ZFYVE16: variants seen among roughly 807,000 people sequenced by gnomAD.
ZFYVE16 encodes zinc finger FYVE-type containing 16.
In ZFYVE16, 89 loss-of-function variants were observed where a neutral mutation model predicts 138.1. That is an observed-to-expected ratio of 0.64 (90% confidence interval 0.54 to 0.77). The LOEUF (loss-of-function observed/expected upper bound fraction) is 0.77, where lower values mean the gene tolerates loss of function less well. ZFYVE16 is among the 30% of genes least tolerant of loss of function. The probability of loss-of-function intolerance (pLI) is 0.00; values close to 1 mark genes in which losing one functional copy is unlikely to be tolerated. For missense variants in ZFYVE16, 1,793 were observed against 1,786.7 expected (o/e 1.00, Z -0.06); for synonymous variants, 596 against 618.3 (o/e 0.96, Z 0.53).
intron 14 of ZFYVE16, among the ~76,000 whole-genome samples, chr5:80,458,726 T>C (rs1360092532): frequency 1.3e-5 from 2 of 152,196 alleles, no homozygotes; most frequent in Non-Finnish European, 2.9e-5. Flanking sequence ...TAAGATAAAT[T>C]CCCAAAAGTG....
chr5:80,416,954 T>A (rs889492816), intron 1 of ZFYVE16, among the ~76,000 whole-genome samples: 6 of 152,184 alleles, frequency 3.9e-5, no homozygotes, highest in African/African-American at 1.4e-4. Context: ...TCTGTAAATA[T>A]TTCTATGTGT....
intron 1 of ZFYVE16, among the ~76,000 whole-genome samples, chr5:80,423,308 C>T (rs57485905): frequency 0.012 from 1,827 of 152,122 alleles, 41 homozygotes; most frequent in African/African-American, 0.043. Context: ...AATTTGTGGG[C>T]AGAGTTGTTA....
At chr5:80,428,288 T>G (rs919985903) in intron 2 of ZFYVE16, among the ~76,000 whole-genome samples, 1 of 152,178 alleles carries the variant, frequency 6.6e-6, no homozygotes, top group African/African-American at 2.4e-5. Context: ...CAGCAACATT[T>G]GCTGTTCAGC....
chr5:80,456,508 G>A lies in ZFYVE16; in HGVS notation c.3738G>A (p.Leu1246=), dbSNP rs1438575326. ...CCTTGCATAATATAGATCAACTGTT[G>A]ATTCATATGGAAATGGGAAAAAGCT... ...QYTLHNIDQL[L]IHMEMGKSCI... Residue 1246 remains leucine, a synonymous_variant, in exon 13 of 19, where the codon TTG becomes TTA. Coordinates refer to ENST00000505560, the MANE Select transcript of ZFYVE16 (RefSeq NM_001284236.3). 1 of 1,613,044 alleles carries A rather than the reference G, an allele frequency of 6.2e-7. No individual in the cohort carries two copies. The highest frequency in any genetic ancestry group is 2.2e-5 in the East Asian group (1 of 44,706).
At chr5:80,434,962 A>G (rs899075373) in intron 3 of ZFYVE16, among the ~76,000 whole-genome samples, 2 of 152,100 alleles carry the variant, frequency 1.3e-5, no homozygotes, top group Non-Finnish European at 2.9e-5. Flanking sequence ...CCCGGGTTCA[A>G]GCACTTCTTC....
In ZFYVE16 at chr5:80,469,268, A is replaced by AT. The variant is rs1754056913; in HGVS notation, c.4025-3486dup. On this transcript the variant is annotated intron_variant, in intron 15 of 18. Coordinates refer to ENST00000505560, the MANE Select transcript of ZFYVE16 (RefSeq NM_001284236.3). ...CAGGCACACACCACCACACCTGGCT[A>AT]TTTTTTTGTTGTTTTCTTGTAGAGA... 3.3e-5 allele frequency among the ~76,000 whole-genome samples: 5 copies of AT among 151,650 alleles called. No homozygotes were observed. The South Asian group carries it at 1.0e-3, about 32-fold the overall frequency.
chr5:80,419,589 G>A (rs1307038305), intron 1 of ZFYVE16, among the ~76,000 whole-genome samples: 19 of 151,608 alleles, frequency 1.3e-4, no homozygotes, highest in African/African-American at 4.4e-4. Context: ...ATGTTGGCCA[G>A]GCTGGTCTCG....
chr5:80,437,492 T>G lies in ZFYVE16; in HGVS notation c.807T>G (p.Cys269Trp). The G allele has an allele frequency of 6.2e-7, 1 of 1,611,140 alleles. No homozygotes were observed. Among genetic ancestry groups the G allele is most frequent in the Non-Finnish European group, 8.5e-7 (1 of 1,179,096 alleles). The change falls in exon 4 of 19, where the codon TGT (cysteine) becomes TGG (tryptophan). Residue 269 changes from cysteine (C) to tryptophan (W), a missense_variant. This residue lies in a region of ZFYVE16 where 1,295 missense variants were observed against 1,204.3 expected (regional missense o/e 1.08). Coordinates refer to ENST00000505560, the MANE Select transcript of ZFYVE16 (RefSeq NM_001284236.3). Reference protein sequence around the residue: ...KDKLQHKSQPCGLLKDVGLVK... With the variant: ...KDKLQHKSQPWGLLKDVGLVK... ...AGCTACAACACAAGAGCCAGCCATG[T>G]GGATTACTAAAAGATGTTGGCTTAG...
Position 80,460,307 on chromosome 5 carries a change from C to T in ZFYVE16, c.4024+813C>T, listed in dbSNP as rs547298558. On this transcript the variant is annotated intron_variant, in intron 15 of 18. Coordinates refer to ENST00000505560, the MANE Select transcript of ZFYVE16 (RefSeq NM_001284236.3). The stretch of plus-strand genomic sequence containing the variant: ...GTGAAATGTCTGCCCATATCTTTTG[C>T]GCTTTTTTCTATTGGATTGTGCGTC... Among the ~76,000 whole-genome samples the T allele has an allele frequency of 8.4e-4, 128 of 152,148 alleles. 1 individual carries two copies. The highest frequency in any genetic ancestry group is 3.0e-3 in the African/African-American group (126 of 41,542).
Position 80,438,870 on chromosome 5 carries a change from A to G in ZFYVE16, c.2185A>G (p.Asn729Asp), listed in dbSNP as rs376427316. 6.7e-5 allele frequency: 108 copies of G among 1,613,984 alleles called. No homozygotes were observed. Among genetic ancestry groups the G allele is most frequent in the Non-Finnish European group, 8.3e-5 (98 of 1,179,974 alleles). The change falls in exon 4 of 19, where the codon AAC (asparagine) becomes GAC (aspartate). Residue 729 changes from asparagine (N) to aspartate (D), a missense_variant. Asn to Asp is a conservative substitution (Grantham distance 23). Around this residue, in one of 2 missense-constraint regions of ZFYVE16, gnomAD observed 1,295 missense variants for 1,204.3 expected, o/e 1.08. Coordinates refer to ENST00000505560, the MANE Select transcript of ZFYVE16 (RefSeq NM_001284236.3). Reference protein sequence around the residue: ...VTANEDSVPENTCKEGLVLGQ... With the variant: ...VTANEDSVPEDTCKEGLVLGQ... ...TGCAAATGAAGATTCTGTACCTGAAAACACTTGCAAAGAAGGCTTGGTTTT... is the reference window on the plus strand; with the variant it reads ...TGCAAATGAAGATTCTGTACCTGAAGACACTTGCAAAGAAGGCTTGGTTTT...
At chr5:80,445,885 AC>A (rs1196569923) in intron 7 of ZFYVE16, among the ~76,000 whole-genome samples, 15 of 141,178 alleles carry the variant, frequency 1.1e-4, no homozygotes, top group African/African-American at 4.0e-4. Context: ...AAATCACCAC[AC>A]CTGGCAGATT....
chr5:80,435,820 C>T (rs939514333), intron 3 of ZFYVE16: 19 of 340,412 alleles, frequency 5.6e-5, no homozygotes, highest in Admixed American at 1.4e-4. Context: ...AGTTATCCTC[C>T]GACCGTGGCT....
rs933551473 is a variant in ZFYVE16, at chr5:80,436,635, A to G, written c.71-121A>G. ...TTTTGGAGGTGATTTGTGTTTTGCA[A>G]AAGGATAATCTATGTTCTTTTAAAA... On this transcript the variant is annotated intron_variant, in intron 3 of 18. Transcript: ENST00000505560. The G allele has an allele frequency of 3.4e-6, 3 of 883,870 alleles. No homozygotes were observed. In the African/African-American group the frequency reaches 5.1e-5, roughly 15 times the overall value. 54.8% of individuals were successfully genotyped at this position (883,870 alleles called of 1,614,324 possible).
In ZFYVE16 at chr5:80,437,032, C is replaced by T. The variant is rs766018725; in HGVS notation, c.347C>T (p.Pro116Leu). 54 of 1,613,948 alleles carry T rather than the reference C, an allele frequency of 3.3e-5. No homozygotes were observed. The highest frequency in any genetic ancestry group is 1.6e-4 in the Middle Eastern group (1 of 6,084). The change falls in exon 4 of 19, where the codon CCG (proline) becomes CTG (leucine). Residue 116 changes from proline (P) to leucine (L), a missense_variant. Physicochemically the swap from Pro to Leu is moderately conservative, Grantham distance 98. Transcript: ENST00000505560. The part of the protein sequence containing the change: ...VDGGTSDEIQ[P>L]LYMGRCSKPI... ...GGTGGTACTTCAGATGAAATCCAGC[C>T]GTTATATATGGGACGATGTAGTAAA...
rs1751864547 is a variant in ZFYVE16, at chr5:80,450,447, T to G, written c.3243T>G (p.Tyr1081Ter). Residue 1081 changes from tyrosine (Y) to a stop codon, truncating the protein, a stop_gained, in exon 10 of 19, where the codon TAT (tyrosine) becomes TAG (stop). Transcript: ENST00000505560. LOFTEE classifies it high-confidence loss of function. ...TCATCTAAGATTCCTCAGACAAATA[T>G]TGGTACTTTTCAACCAATGGATTGC... ...VKFIFYSSDK[Y>*]WYFSTNGLHG... The G allele has an allele frequency of 6.2e-7, 1 of 1,613,296 alleles. No homozygotes were observed. Among genetic ancestry groups the G allele is most frequent in the African/African-American group, 1.3e-5 (1 of 74,900 alleles).
chr5:80,430,283 A>G (rs1239664309), intron 2 of ZFYVE16, among the ~76,000 whole-genome samples: 1 of 151,944 alleles, frequency 6.6e-6, no homozygotes. Flanking sequence ...GGATTCAGAA[A>G]CTCACTCAAA....
In ZFYVE16 at chr5:80,483,279, A is replaced by T. The variant is rs1372128784; in HGVS notation, c.*5902A>T. The stretch of plus-strand genomic sequence containing the variant: ...ATGGGGAAGGAAAATGATTGCAAAG[A>T]AGGAAGAGCAACCAAAATGGCAAAT... On this transcript the variant is annotated 3_prime_UTR_variant, in exon 19 of 19. Coordinates refer to ENST00000505560, the MANE Select transcript of ZFYVE16 (RefSeq NM_001284236.3). The T allele has an allele frequency of 6.6e-6, 1 of 152,246 alleles. No homozygotes were observed. The highest frequency in any genetic ancestry group is 2.4e-5 in the African/African-American group (1 of 41,468). 9.4% of individuals were successfully genotyped at this position (152,246 alleles called of 1,614,324 possible).
rs1752603889 is a variant in ZFYVE16 at position 80,457,109 on chromosome 5, C to G, written c.3943+17C>G. On this transcript the variant is annotated intron_variant, in intron 14 of 18. Coordinates refer to ENST00000505560, the MANE Select transcript of ZFYVE16 (RefSeq NM_001284236.3). ...CTAGAAAAGGTGAGCATCTTGGTTC[C>G]TAGTGCTAATTTACAAAACCACCTC... The G allele has an allele frequency of 6.2e-7, 1 of 1,605,660 alleles. No homozygotes were observed. Among genetic ancestry groups the G allele is most frequent in the African/African-American group, 1.3e-5 (1 of 74,486 alleles).
rs79156484 is a variant in ZFYVE16, at chr5:80,481,742, G to A, written c.*4365G>A. Among the ~76,000 whole-genome samples, 9,227 of 152,184 alleles carry A rather than the reference G, an allele frequency of 0.061. 505 individuals carry two copies. Among genetic ancestry groups the A allele is most frequent in the African/African-American group, 0.14 (5,918 of 41,500 alleles). ...CTTGTGAAACCTAAGCAACTCTCTAGGGAAAAGACAATGAACAAGAGCCAA... is the reference window on the plus strand; with the variant it reads ...CTTGTGAAACCTAAGCAACTCTCTAAGGAAAAGACAATGAACAAGAGCCAA... On this transcript the variant is annotated 3_prime_UTR_variant, in exon 19 of 19. Transcript: ENST00000505560.
Sources: allele counts gnomAD v4.1 joint callset (sites outside exome capture counted in the v4.1 genomes callset), GRCh38; gene constraint gnomAD v4.1.1; regional missense constraint gnomAD v4.1.1; transcripts MANE v1.5; gene names NCBI Gene and HGNC (gene_info 2026-07-23, HGNC 2026-07-21).